The following KAZN variants were observed in gnomAD, a reference collection of about 807,000 sequenced individuals.
The protein encoded by KAZN is kazrin, periplakin interacting protein, also known as kazrin.
A neutral mutation model predicts 87.4 loss-of-function variants in KAZN; 40 were observed. That is an observed-to-expected ratio of 0.46 (90% CI 0.36 to 0.60). KAZN has a LOEUF of 0.60. Among genes scored for constraint, KAZN ranks in the 20% least tolerant of loss-of-function variants. The pLI, the probability that KAZN is intolerant of heterozygous loss-of-function variation, is 0.00. For synonymous variants in KAZN, 466 were observed against 458.3 expected (o/e 1.02, Z -0.22); for missense variants, 898 against 1,073.9 (o/e 0.84, Z 2.29).
At chr1:14,410,168 A>G (rs763643460) in intron 2 of KAZN, among the ~76,000 whole-genome samples, 3 of 152,202 alleles carry the variant, frequency 2.0e-5, no homozygotes, top group Non-Finnish European at 4.4e-5. Flanking sequence ...CAGCAGCGTG[A>G]TCTCGTCTCA....
rs58102946 is a variant in KAZN, at chr1:14,943,007, GGTGTGTGTGT to G, written c.227-17642_227-17633del. The stretch of plus-strand genomic sequence containing the variant: ...ATGTGAGCTGCGTGTGTGTGTGTGT[GGTGTGTGTGT>G]GTGTGTGTGTGTGTGTGTGTGTGTG... On this transcript the variant is annotated intron_variant, in intron 1 of 14. Transcript: ENST00000376030. Among the ~76,000 whole-genome samples, 716 of 100,856 alleles carry G rather than the reference GGTGTGTGTGT, an allele frequency of 7.1e-3. 7 individuals are homozygous for G. Among genetic ancestry groups the G allele is most frequent in the Middle Eastern group, 0.013 (2 of 160 alleles). 66.2% of individuals were successfully genotyped at this position (100,856 alleles called of 152,430 possible).
chr1:13,963,311 A>AT (rs1641823764), intron 1 of KAZN, among the ~76,000 whole-genome samples: 1 of 152,078 alleles, frequency 6.6e-6, no homozygotes, highest in African/African-American at 2.4e-5. Context: ...GAAAGTATGA[A>AT]TTTTTTATTT....
At position 14,167,590 on chromosome 1, in the gene KAZN, G is replaced by A. The variant is rs191830095; in HGVS notation, c.92-12845G>A. 3.3e-5 allele frequency among the ~76,000 whole-genome samples: 5 copies of A among 152,272 alleles called. 1 individual carries two copies. Among genetic ancestry groups the A allele is most frequent in the Admixed American group, 3.3e-4 (5 of 15,288 alleles). On this transcript the variant is annotated intron_variant, in intron 1 of 16. Transcript: ENST00000636203. ...ATCTAAACATTAGCCAGGCATCGTG[G>A]CAGACACCTACAATTCCAGCTACTA...
intron 2 of KAZN, among the ~76,000 whole-genome samples, chr1:14,356,891 AT>A (rs1369901560): frequency 6.6e-6 from 1 of 152,010 alleles, no homozygotes; most frequent in East Asian, 1.9e-4. Flanking sequence ...TTTGCTTAGG[AT>A]TGTCTTGACT....
At chr1:14,002,989 T>C (rs1367553389) in intron 1 of KAZN, among the ~76,000 whole-genome samples, 5 of 151,914 alleles carry the variant, frequency 3.3e-5, no homozygotes, top group African/African-American at 1.2e-4. Flanking sequence ...ATAAAGAAAA[T>C]GTGGTACATA....
At chr1:14,905,612 G>T (rs1022133990) in intron 1 of KAZN, among the ~76,000 whole-genome samples, 1 of 151,828 alleles carries the variant, frequency 6.6e-6, no homozygotes, top group Non-Finnish European at 1.5e-5. Context: ...TTGGGAGGCT[G>T]AGGAGGGCGG....
At chr1:14,662,944 A>AATATATATATATAT (rs3085966) in intron 1 of KAZN, among the ~76,000 whole-genome samples, 8 of 142,852 alleles carry the variant, frequency 5.6e-5, no homozygotes, top group African/African-American at 1.6e-4. Context: ...TATATATGTA[A>AATATATATATATAT]ATATATATAT....
intron 2 of KAZN, among the ~76,000 whole-genome samples, chr1:14,395,307 A>C (rs1662803386): frequency 6.6e-6 from 1 of 152,184 alleles, no homozygotes; most frequent in Non-Finnish European, 1.5e-5. Flanking sequence ...TTATTTTACT[A>C]ATGTACTACC....
intron 2 of KAZN, among the ~76,000 whole-genome samples, chr1:14,308,849 A>G (rs1655102483): frequency 6.6e-6 from 1 of 152,176 alleles, no homozygotes; most frequent in Non-Finnish European, 1.5e-5. Flanking sequence ...CCTGTTGTGT[A>G]TGATTTCCTG....
At chr1:14,731,471 G>T (rs913136699) in intron 1 of KAZN, among the ~76,000 whole-genome samples, 1 of 152,080 alleles carries the variant, frequency 6.6e-6, no homozygotes, top group South Asian at 2.1e-4. Context: ...GAACTTTTTT[G>T]GTTCCCCTCC....
intron 3 of KAZN, among the ~76,000 whole-genome samples, chr1:15,038,036 G>T (rs1316400971): frequency 6.6e-6 from 1 of 152,164 alleles, no homozygotes; most frequent in Non-Finnish European, 1.5e-5. Flanking sequence ...AGGATCGCTT[G>T]AGCCCAGGAG....
chr1:14,343,177 C>T (rs1657867797), intron 2 of KAZN, among the ~76,000 whole-genome samples: 1 of 152,044 alleles, frequency 6.6e-6, no homozygotes, highest in Non-Finnish European at 1.5e-5. Flanking sequence ...CAACAAAAAA[C>T]TTTCGTATGT....
At chr1:14,593,784 G>C (rs1366130892), upstream of KAZN, among the ~76,000 whole-genome samples, 1 of 152,222 alleles carries the variant, frequency 6.6e-6, no homozygotes, top group African/African-American at 2.4e-5. Context: ...AGAGGCAAGG[G>C]AAAAGGCAAA....
rs1208924618 is a variant in KAZN, at chr1:14,146,708, A to G, written c.92-33727A>G. ...AAAACTCATTTTGATCATCTCAGAA[A>G]AAAAAAAAAAAAAAGAATGCTGGGA... On this transcript the variant is annotated intron_variant, in intron 1 of 16. Transcript: ENST00000636203. Among the ~76,000 whole-genome samples the G allele has an allele frequency of 2.8e-4, 7 of 24,990 alleles. No individual in the cohort carries two copies. In the South Asian group the frequency reaches 7.2e-3, roughly 26 times the overall value. The allele number at this position is 24,990 out of a possible 152,430, so 16.4% of individuals were successfully genotyped here.
At chr1:14,623,962 A>G (rs984379115) in intron 1 of KAZN, among the ~76,000 whole-genome samples, 1 of 152,156 alleles carries the variant, frequency 6.6e-6, no homozygotes, top group Admixed American at 6.5e-5. Flanking sequence ...AGAATATGGT[A>G]TATCTTGGTA....
At chr1:14,620,363 C>G (rs1291043825) in intron 1 of KAZN, among the ~76,000 whole-genome samples, 1 of 152,220 alleles carries the variant, frequency 6.6e-6, no homozygotes, top group East Asian at 1.9e-4. Flanking sequence ...TCAGCAATGC[C>G]TAGCACATCA....
chr1:14,167,300 A>G (rs1401333270), intron 1 of KAZN, among the ~76,000 whole-genome samples: 1 of 152,230 alleles, frequency 6.6e-6, no homozygotes, highest in East Asian at 1.9e-4. Flanking sequence ...GTTTTATCCT[A>G]GAGAGAATCG....
intron 2 of KAZN, among the ~76,000 whole-genome samples, chr1:14,567,934 T>C (rs533298437): frequency 8.6e-4 from 131 of 152,344 alleles, no homozygotes; most frequent in African/African-American, 2.9e-3. Flanking sequence ...TACACAGCTA[T>C]ATAAACCCCC....
chr1:14,419,676 G>A (rs751163964), intron 2 of KAZN, among the ~76,000 whole-genome samples: 1 of 152,176 alleles, frequency 6.6e-6, no homozygotes, highest in Non-Finnish European at 1.5e-5. Flanking sequence ...CTTCCTTCTG[G>A]TGGGTTTGTG....
Sources: gnomAD v4.1 joint callset for allele counts (sites outside exome capture counted in the v4.1 genomes callset) on GRCh38, gnomAD v4.1.1 for gene constraint, MANE v1.5 for transcripts, NCBI Gene and HGNC (gene_info 2026-07-23, HGNC 2026-07-21) for gene names.